The following PTPRO variants were observed in gnomAD, a reference collection of about 807,000 sequenced individuals.
PTPRO encodes the protein protein tyrosine phosphatase receptor type O.
PTPRO carries 62 observed loss-of-function variants against 145.2 expected under a neutral mutation model. The observed-to-expected ratio is 0.43, with a 90% CI of 0.35 to 0.53. The LOEUF (loss-of-function observed/expected upper bound fraction) is 0.53. PTPRO is among the 20% of genes least tolerant of loss of function. The pLI is 0.01. For missense variants in PTPRO, 1,345 were observed against 1,482.7 expected, an observed-to-expected ratio of 0.91 and a Z score of 1.53; for synonymous variants, 565 against 514.7, an observed-to-expected ratio of 1.10 and a Z score of -1.32.
At chr12:15,557,371 T>A in intron 15 of PTPRO, 84 bp from the exon 16 acceptor site, 1 of 1,188,652 alleles carries the variant, frequency 8.4e-7, no homozygotes. Context: ...GATGATAAGC[T>A]GGTAAAGACT....
At chr12:15,571,458 T>C (rs112437916) in intron 19 of PTPRO, among the ~76,000 whole-genome samples, 6,374 of 152,148 alleles carry the variant, frequency 0.042, 409 homozygotes, top group African/African-American at 0.14. Context: ...CGGCTAACTT[T>C]TGTATTTTTA....
At chr12:15,581,561 C>T (rs1226087083) in intron 22 of PTPRO, 118 bp from the exon 23 acceptor site, 3 of 1,247,720 alleles carry the variant, frequency 2.4e-6, no homozygotes, top group African/African-American at 3.0e-5. Flanking sequence ...TATGTTTCAT[C>T]TTCACCACGG....
intron 1 of PTPRO, among the ~76,000 whole-genome samples, chr12:15,403,641 G>A (rs915277091): frequency 6.6e-6 from 1 of 152,098 alleles, no homozygotes; most frequent in African/African-American, 2.4e-5. Flanking sequence ...ATTATCCCCT[G>A]TTTGGTGTGG....
At chr12:15,403,569 C>T (rs1311253021) in intron 1 of PTPRO, among the ~76,000 whole-genome samples, 4 of 152,094 alleles carry the variant, frequency 2.6e-5, no homozygotes, top group Non-Finnish European at 4.4e-5. Context: ...GGTGAGAGAG[C>T]GAGACTCCGT....
chr12:15,579,423 C>A (rs892353860), intron 20 of PTPRO, among the ~76,000 whole-genome samples: 1 of 152,180 alleles, frequency 6.6e-6, no homozygotes, highest in African/African-American at 2.4e-5. Context: ...AAAATACATT[C>A]CAGTTTAGAT....
chr12:15,425,226 A>G (rs1940252306), intron 1 of PTPRO, among the ~76,000 whole-genome samples: 2 of 152,244 alleles, frequency 1.3e-5, no homozygotes, highest in South Asian at 4.1e-4. Context: ...GGTTTATTTT[A>G]TAAGTTTAGC....
intron 13 of PTPRO, among the ~76,000 whole-genome samples, chr12:15,548,035 G>A (rs1943341867): frequency 6.6e-6 from 1 of 152,034 alleles, no homozygotes; most frequent in Admixed American, 6.5e-5. Flanking sequence ...ATGTTTTAGT[G>A]GATGTTATAT....
intron 5 of PTPRO, among the ~76,000 whole-genome samples, chr12:15,503,304 A>G: frequency 6.6e-6 from 1 of 152,124 alleles, no homozygotes; most frequent in South Asian, 2.1e-4. Flanking sequence ...ATGAAGTAAT[A>G]AGCAGCAGAG....
chr12:15,589,242 G>A lies in PTPRO; in HGVS notation c.3411-213G>A, dbSNP rs536290974. Among the ~76,000 whole-genome samples, 24 of 152,202 alleles carry A rather than the reference G, an allele frequency of 1.6e-4. No homozygotes were observed. In the East Asian group the frequency reaches 4.6e-3, roughly 29 times the overall value. On this transcript the variant is annotated intron_variant, in intron 24 of 26. Transcript: ENST00000281171. ...AATACAAAAATTAGCCAGGAATGGT[G>A]GCACATACCTGTAATCCCAGCTACT...
At chr12:15,488,013 C>T (rs1246487208) in intron 2 of PTPRO, among the ~76,000 whole-genome samples, 6 of 152,068 alleles carry the variant, frequency 3.9e-5, no homozygotes, top group African/African-American at 1.4e-4. Flanking sequence ...TAGTGTGTCG[C>T]CTCTCTCCAG....
Position 15,366,364 on chromosome 12 carries a change from G to C in PTPRO, c.75+43563G>C, listed in dbSNP as rs1335678473. Among the ~76,000 whole-genome samples the C allele has an allele frequency of 3.4e-5, 5 of 148,782 alleles. 1 individual carries two copies. Among genetic ancestry groups the C allele is most frequent in the Admixed American group, 3.3e-4 (5 of 15,004 alleles). On this transcript the variant is annotated intron_variant, in intron 1 of 26. Coordinates refer to ENST00000281171, the MANE Select transcript of PTPRO (RefSeq NM_030667.3). Reference sequence around the variant, plus strand: ...TGGTGCCCTAGCTGAGTGAGGGGGGGAAAATTGTAATGGCAGATTCTAAGT... The same window carrying C: ...TGGTGCCCTAGCTGAGTGAGGGGGGCAAAATTGTAATGGCAGATTCTAAGT...
At chr12:15,479,899 G>A (rs1400497348) in intron 1 of PTPRO, among the ~76,000 whole-genome samples, 1 of 152,172 alleles carries the variant, frequency 6.6e-6, no homozygotes, top group Non-Finnish European at 1.5e-5. Context: ...TGTGCGGAAA[G>A]ACCAGGCACC....
chr12:15,572,577 C>G (rs926266915), intron 19 of PTPRO, among the ~76,000 whole-genome samples: 1 of 152,100 alleles, frequency 6.6e-6, no homozygotes, highest in African/African-American at 2.4e-5. Context: ...TGATTTCTAA[C>G]AGCTGATTTA....
chr12:15,477,914 C>A (rs1941693164), intron 1 of PTPRO, among the ~76,000 whole-genome samples: 1 of 152,172 alleles, frequency 6.6e-6, no homozygotes, highest in Non-Finnish European at 1.5e-5. Context: ...CCACACTATA[C>A]ACTCATCAAC....
intron 18 of PTPRO, 51 bp downstream of exon 18, chr12:15,565,679 T>A: frequency 7.9e-7 from 1 of 1,262,950 alleles, no homozygotes. Context: ...ATAATAATCT[T>A]AACGTTCCAA....
intron 1 of PTPRO, among the ~76,000 whole-genome samples, chr12:15,390,937 C>T (rs753606829): frequency 6.6e-6 from 1 of 152,170 alleles, no homozygotes; most frequent in Non-Finnish European, 1.5e-5. Flanking sequence ...TGGTAAGGGT[C>T]CTTTTGCTGG....
At chr12:15,594,321 G>T (rs1341203075) in intron 25 of PTPRO, among the ~76,000 whole-genome samples, 3 of 151,922 alleles carry the variant, frequency 2.0e-5, no homozygotes, top group African/African-American at 4.8e-5. Context: ...CCTGGAATTT[G>T]CTTTGGTGTA....
intron 12 of PTPRO, among the ~76,000 whole-genome samples, chr12:15,528,169 G>C (rs1432152727): frequency 6.6e-6 from 1 of 151,702 alleles, no homozygotes; most frequent in Non-Finnish European, 1.5e-5. Flanking sequence ...TACACCATTG[G>C]AGGAGAAAAA....
At chr12:15,366,569 A>G (rs575057624) in intron 1 of PTPRO, among the ~76,000 whole-genome samples, 1 of 152,306 alleles carries the variant, frequency 6.6e-6, no homozygotes, top group African/African-American at 2.4e-5. Context: ...GTTAGACAAA[A>G]GCTGTAAATA....
Sources: allele counts gnomAD v4.1 joint callset (sites outside exome capture counted in the v4.1 genomes callset), GRCh38; gene constraint gnomAD v4.1.1; transcripts MANE v1.5; gene names NCBI Gene and HGNC (gene_info 2026-07-23, HGNC 2026-07-21).